The following PALLD variants were observed in gnomAD, a reference collection of about 807,000 sequenced individuals.
The protein encoded by PALLD is palladin.
A neutral mutation model predicts 123.5 loss-of-function variants in PALLD; 61 were observed. The ratio of observed to expected loss-of-function variants is 0.49; its 90% CI spans 0.40 to 0.61. PALLD has a LOEUF of 0.61. Ranked by LOEUF, PALLD falls within the 20% of genes least tolerant of loss-of-function variation. The probability of loss-of-function intolerance (pLI) is 0.00; values close to 1 mark genes in which losing one functional copy is unlikely to be tolerated. For synonymous variants in PALLD, 465 were observed against 496.4 expected, an observed-to-expected ratio of 0.94 and a Z score of 0.84; for missense variants, 1,273 against 1,377.0, an observed-to-expected ratio of 0.92 and a Z score of 1.20.
intron 10 of PALLD, among the ~76,000 whole-genome samples, chr4:168,747,437 T>C (rs896215957): frequency 4.6e-5 from 7 of 152,324 alleles, no homozygotes; most frequent in African/African-American, 1.7e-4. Flanking sequence ...CTAGTTCCAG[T>C]TGAAGGTATT....
chr4:168,519,293 A>AT (rs746535271), intron 2 of PALLD, among the ~76,000 whole-genome samples: 3 of 151,308 alleles, frequency 2.0e-5, no homozygotes, highest in Non-Finnish European at 4.4e-5. Flanking sequence ...CATCATTTTA[A>AT]TATTTAATAG....
At chr4:168,506,232 T>G (rs965996139) in intron 1 of PALLD, 1 of 152,284 alleles carries the variant, frequency 6.6e-6, no homozygotes, top group African/African-American at 2.4e-5. Context: ...AAATCCTTCT[T>G]ACAAAACTTC....
At chr4:168,828,556 T>G (rs1350634860) in intron 10 of PALLD, among the ~76,000 whole-genome samples, 1 of 152,244 alleles carries the variant, frequency 6.6e-6, no homozygotes, top group Non-Finnish European at 1.5e-5. Context: ...AATATCTTCT[T>G]TCTTTAGTGA....
intron 10 of PALLD, among the ~76,000 whole-genome samples, chr4:168,718,229 A>T (rs1299855064): frequency 7.9e-5 from 12 of 152,244 alleles, no homozygotes. Context: ...ACTGTTTGAC[A>T]TTAGTATACA....
chr4:168,742,423 G>A lies in PALLD; in HGVS notation c.1964+30500G>A, dbSNP rs1451602169. On this transcript the variant is annotated intron_variant, in intron 10 of 21. Transcript: ENST00000505667. ...AAGTACATTTGAAATAAGTCACTGA[G>A]AGGAGAAGACTGTGTGTTTTAAAGC... 2.6e-5 allele frequency among the ~76,000 whole-genome samples: 4 copies of A among 152,212 alleles called. No homozygotes were observed. The East Asian group carries it at 7.7e-4, about 29-fold the overall frequency.
At chr4:168,532,587 A>C (rs1764705610) in intron 2 of PALLD, among the ~76,000 whole-genome samples, 1 of 152,214 alleles carries the variant, frequency 6.6e-6, no homozygotes, top group African/African-American at 2.4e-5. Flanking sequence ...GGATATAATA[A>C]AATTAGAATA....
chr4:168,750,432 G>A (rs1230904570), intron 10 of PALLD, among the ~76,000 whole-genome samples: 1 of 152,070 alleles, frequency 6.6e-6, no homozygotes, highest in Non-Finnish European at 1.5e-5. Context: ...ATATTCTGCT[G>A]GTTAAAAACA....
chr4:168,506,419 T>C (rs1009761443), intron 1 of PALLD, among the ~76,000 whole-genome samples: 2 of 136,536 alleles, frequency 1.5e-5, no homozygotes, highest in Non-Finnish European at 3.3e-5. Flanking sequence ...CCAACACACA[T>C]ACACCCTTTG....
chr4:168,542,440 A>C (rs574234073), intron 2 of PALLD, among the ~76,000 whole-genome samples: 15 of 151,748 alleles, frequency 9.9e-5, no homozygotes, highest in East Asian at 9.7e-4. Flanking sequence ...TAAAAAAAAA[A>C]CTGCTGCACC....
chr4:168,613,391 G>A (rs528866167), intron 2 of PALLD, among the ~76,000 whole-genome samples: 49 of 152,296 alleles, frequency 3.2e-4, no homozygotes, highest in South Asian at 1.4e-3. Flanking sequence ...AGCATGCACC[G>A]TAATTCTTTT....
intron 2 of PALLD, among the ~76,000 whole-genome samples, chr4:168,584,608 A>G (rs1387446393): frequency 6.6e-6 from 1 of 152,198 alleles, no homozygotes; most frequent in Admixed American, 6.5e-5. Context: ...ATTGTTTTCT[A>G]TCTTAGTCAC....
At chr4:168,774,039 C>G (rs1734809231) in intron 10 of PALLD, among the ~76,000 whole-genome samples, 1 of 151,166 alleles carries the variant, frequency 6.6e-6, no homozygotes, top group Admixed American at 6.6e-5. Flanking sequence ...TTTTATGTGT[C>G]CCCTCCTCTC....
At chr4:168,883,009 T>TA (rs768796746) in intron 10 of PALLD, among the ~76,000 whole-genome samples, 45 of 151,404 alleles carry the variant, frequency 3.0e-4, no homozygotes, top group Non-Finnish European at 5.7e-4. Flanking sequence ...GGGAATCGCT[T>TA]GAACACAGTG....
chr4:168,821,273 T>C (rs1742672697), intron 10 of PALLD, among the ~76,000 whole-genome samples: 1 of 152,226 alleles, frequency 6.6e-6, no homozygotes, highest in Non-Finnish European at 1.5e-5. Context: ...TGTATGTTTA[T>C]GAAACAAATA....
chr4:168,593,269 A>G (rs1286923187), intron 2 of PALLD, among the ~76,000 whole-genome samples: 1 of 152,094 alleles, frequency 6.6e-6, no homozygotes, highest in Non-Finnish European at 1.5e-5. Flanking sequence ...ACACAGCTAA[A>G]GTTTCTTGGA....
rs756984622 is a variant in PALLD at position 168,625,502 on chromosome 4, G to GATATATATAT, written c.909-42681_909-42672dup. On this transcript the variant is annotated intron_variant, in intron 2 of 21. Coordinates refer to ENST00000505667, the MANE Select transcript of PALLD (RefSeq NM_001166108.2). ...TCCAATAAGGGATTAATATCCAGGAGATATATATATATATATCCTATAAGG... is the reference window on the plus strand; with the variant it reads ...TCCAATAAGGGATTAATATCCAGGAGATATATATATATATATATATATATATCCTATAAGG... Among the ~76,000 whole-genome samples, 22 of 114,476 alleles carry GATATATATAT rather than the reference G, an allele frequency of 1.9e-4. 1 individual carries two copies. Among genetic ancestry groups the GATATATATAT allele is most frequent in the African/African-American group, 7.0e-4 (21 of 30,030 alleles). 75.1% of individuals were successfully genotyped at this position (114,476 alleles called of 152,430 possible).
intron 20 of PALLD, 76 bp from the exon 21 acceptor site, chr4:168,925,157 T>G (rs1052528287): frequency 1.9e-5 from 30 of 1,582,710 alleles, no homozygotes; most frequent in Non-Finnish European, 2.5e-5. Flanking sequence ...GCAAATCACA[T>G]TACTCTTTAT....
intron 2 of PALLD, among the ~76,000 whole-genome samples, chr4:168,535,075 G>C (rs1764971497): frequency 6.6e-6 from 1 of 152,120 alleles, no homozygotes; most frequent in Non-Finnish European, 1.5e-5. Flanking sequence ...GGTATTATGA[G>C]TAATCTAGAA....
chr4:168,660,944 AC>A (rs1163911120), intron 2 of PALLD, among the ~76,000 whole-genome samples: 1 of 149,150 alleles, frequency 6.7e-6, no homozygotes, highest in African/African-American at 2.5e-5. Context: ...TCGCTCTGTC[AC>A]CCAGGCTGGA....
Sources: gnomAD v4.1 joint callset for allele counts (sites outside exome capture counted in the v4.1 genomes callset) on GRCh38, gnomAD v4.1.1 for gene constraint, MANE v1.5 for transcripts, NCBI Gene and HGNC (gene_info 2026-07-23, HGNC 2026-07-21) for gene names.